The following MTMR9 variants were observed in gnomAD, a reference collection of about 807,000 sequenced individuals.
MTMR9 encodes myotubularin related protein 9, also known as myotubularin-related protein 9.
In MTMR9, 39 loss-of-function variants were observed where a neutral mutation model predicts 69.5. That is an observed-to-expected ratio of 0.56 (90% CI 0.43 to 0.73). The LOEUF is 0.73. MTMR9 is among the 30% of genes least tolerant of loss of function. The probability of loss-of-function intolerance (pLI) is 0.00; values close to 1 mark genes in which losing one functional copy is unlikely to be tolerated. For missense variants in MTMR9, 900 were observed against 671.2 expected, an observed-to-expected ratio of 1.34 and a Z score of -3.77; for synonymous variants, 354 against 240.8, an observed-to-expected ratio of 1.47 and a Z score of -4.35.
the MTMR9 span, among the ~76,000 whole-genome samples, chr8:11,335,736 T>C: frequency 6.6e-6 from 1 of 152,232 alleles, no homozygotes. Context: ...AATTGGCCTG[T>C]AGTAGCATTA....
chr8:11,290,776 C>G (rs975184868), intron 1 of MTMR9, among the ~76,000 whole-genome samples: 4 of 151,608 alleles, frequency 2.6e-5, no homozygotes, highest in African/African-American at 9.7e-5. Context: ...GTTCATTAAT[C>G]TGCTCTTTTG....
In MTMR9 at chr8:11,322,693, A is replaced by G. The variant is rs576428335; in HGVS notation, c.1555A>G (p.Ile519Val). 76 of 1,613,972 alleles carry G rather than the reference A, an allele frequency of 4.7e-5. No individual in the cohort carries two copies. In the Admixed American group the frequency reaches 9.0e-4, roughly 19 times the overall value. The change falls in exon 10 of 10, where the codon ATT (isoleucine) becomes GTT (valine). Residue 519 changes from isoleucine to valine, a missense_variant. Coordinates refer to ENST00000221086, the MANE Select transcript of MTMR9 (RefSeq NM_015458.4). ...DEAYEEMVNIIEYNKELQAKV... is the reference protein window; with the variant it reads ...DEAYEEMVNIVEYNKELQAKV... ...AGCATATGAAGAAATGGTTAACATC[A>G]TTGAATATAATAAAGAATTACAAGC...
chr8:11,296,519 G>A (rs1445645142), intron 2 of MTMR9, among the ~76,000 whole-genome samples: 2 of 152,138 alleles, frequency 1.3e-5, no homozygotes, highest in African/African-American at 2.4e-5. Flanking sequence ...TCGAAACTCT[G>A]TGTTAAACAA....
At chr8:11,333,441 G>C in the MTMR9 span, among the ~76,000 whole-genome samples, 1 of 152,236 alleles carries the variant, frequency 6.6e-6, no homozygotes, top group East Asian at 1.9e-4. Flanking sequence ...ATTAAGACAT[G>C]CCTAGATTTT....
rs1339668673 is a variant in MTMR9, at chr8:11,323,242, T to A, written c.*454T>A. ...TGTTTTTCAAAATGGCAACAATGGA[T>A]AAACCAAGGATTTTGTGTTTAACAA... is the stretch of plus-strand genomic sequence containing the variant. On this transcript the variant is annotated 3_prime_UTR_variant, in exon 10 of 10. Transcript: ENST00000221086. 6.6e-6 allele frequency: 1 copy of A among 152,334 alleles called. No individual in the cohort carries two copies. Among genetic ancestry groups the A allele is most frequent in the East Asian group, 1.9e-4 (1 of 5,200 alleles). 9.4% of individuals were successfully genotyped at this position (152,334 alleles called of 1,614,324 possible). A position where few individuals can be genotyped will look rare whatever the true frequency, so the allele number is the denominator to read the frequency against.
downstream of MTMR9, among the ~76,000 whole-genome samples, chr8:11,328,797 A>C (rs1247268687): frequency 2.0e-5 from 3 of 152,238 alleles, no homozygotes; most frequent in East Asian, 5.8e-4. Context: ...TATTTCAGGA[A>C]AAGTTAACAT....
the MTMR9 span, among the ~76,000 whole-genome samples, chr8:11,338,571 C>T: frequency 6.6e-6 from 1 of 152,328 alleles, no homozygotes; most frequent in Non-Finnish European, 1.5e-5. Context: ...ACCAGGGGAA[C>T]CTTTTCCACA....
downstream of MTMR9, among the ~76,000 whole-genome samples, chr8:11,330,300 C>T (rs2117495103): frequency 6.7e-6 from 1 of 149,224 alleles, no homozygotes. Flanking sequence ...GGTGGGGGGT[C>T]AGCCCCCACC....
At chr8:11,322,447 C>T (rs1167551357) in intron 9 of MTMR9, among the ~76,000 whole-genome samples, 178 bp from the exon 10 acceptor site, 1 of 152,122 alleles carries the variant, frequency 6.6e-6, no homozygotes, top group Admixed American at 6.6e-5. Context: ...TCAATTGCAT[C>T]CTTTTCAGTA....
chr8:11,307,447 G>A (rs781354159), intron 5 of MTMR9, among the ~76,000 whole-genome samples: 5 of 152,214 alleles, frequency 3.3e-5, no homozygotes, highest in Non-Finnish European at 7.4e-5. Flanking sequence ...ATCCATTGAC[G>A]TGCATTTAGG....
rs936334427 is a variant in MTMR9, at chr8:11,284,975, G to T, written c.87G>T (p.Leu29=). The change falls in exon 1 of 10, where the codon CTG becomes CTT. Residue 29 remains leucine (L), a synonymous_variant. Coordinates refer to ENST00000221086, the MANE Select transcript of MTMR9 (RefSeq NM_015458.4). ...RPFYPAVEGT[L]CLTGHHLILS... ...TCTACCCGGCTGTCGAGGGCACCCTGTGCCTGACGGGCCACCACTTGATCC... is the reference window on the plus strand; with the variant it reads ...TCTACCCGGCTGTCGAGGGCACCCTTTGCCTGACGGGCCACCACTTGATCC... The T allele has an allele frequency of 6.2e-6, 10 of 1,613,988 alleles. No homozygotes were observed. Among genetic ancestry groups the T allele is most frequent in the African/African-American group, 1.3e-5 (1 of 75,050 alleles).
chr8:11,308,251 C>T (rs1219278695), intron 5 of MTMR9, among the ~76,000 whole-genome samples: 1 of 152,182 alleles, frequency 6.6e-6, no homozygotes, highest in Non-Finnish European at 1.5e-5. Context: ...GTTTCTTCTG[C>T]ATGTGCATAC....
At chr8:11,304,705 G>C in intron 3 of MTMR9, 136 bp from the exon 4 acceptor site, 1 of 821,344 alleles carries the variant, frequency 1.2e-6, no homozygotes, top group Non-Finnish European at 1.9e-6. Context: ...ATATAAGCTA[G>C]AGATCCACCT....
At chr8:11,331,125 T>C (rs1801202404), downstream of MTMR9, 1 of 1,602,850 alleles carries the variant, frequency 6.2e-7, no homozygotes. Context: ...CAGTCACCCC[T>C]ACTTCAACCT....
chr8:11,313,188 C>G (rs1330467518), intron 6 of MTMR9, among the ~76,000 whole-genome samples: 2 of 152,204 alleles, frequency 1.3e-5, no homozygotes, highest in Non-Finnish European at 2.9e-5. Context: ...ACCTCATGAA[C>G]CAGCCTCTGC....
At position 11,285,959 on chromosome 8, in the gene MTMR9, TTTTTTTTTTTTG is replaced by T. The variant is rs1384455338; in HGVS notation, c.182+890_182+901del. Reference sequence around the variant, plus strand: ...CTCTTTCTTTCTTTCTTTTTTTTTTTTTTTTTTTTTTGGAGACGAAATCTCACTGTATTGCCC... The same window carrying T: ...CTCTTTCTTTCTTTCTTTTTTTTTTTGAGACGAAATCTCACTGTATTGCCC... On this transcript the variant is annotated intron_variant, in intron 1 of 9. Transcript: ENST00000221086. Among the ~76,000 whole-genome samples, 286 of 141,960 alleles carry T rather than the reference TTTTTTTTTTTTG, an allele frequency of 2.0e-3. 1 individual carries two copies. Among genetic ancestry groups the T allele is most frequent in the African/African-American group, 7.2e-3 (272 of 37,628 alleles). The allele number at this position is 141,960 out of a possible 152,430, so 93.1% of individuals were successfully genotyped here.
At chr8:11,332,194 AAAT>A, downstream of MTMR9, 1 of 1,523,956 alleles carries the variant, frequency 6.6e-7, no homozygotes, top group Non-Finnish European at 8.7e-7. Flanking sequence ...GACAAAAAAA[AAAT>A]AAAAGAAAAA....
At chr8:11,313,383 G>A (rs1341486681) in intron 6 of MTMR9, among the ~76,000 whole-genome samples, 1 of 152,194 alleles carries the variant, frequency 6.6e-6, no homozygotes, top group African/African-American at 2.4e-5. Context: ...CTGTGTCACT[G>A]TATCATTTAT....
chr8:11,332,404 C>G (rs1397203899), downstream of MTMR9, among the ~76,000 whole-genome samples: 1 of 151,918 alleles, frequency 6.6e-6, no homozygotes, highest in African/African-American at 2.4e-5. Flanking sequence ...AAAGACTAAA[C>G]AATTGTCTTA....
Sources: gnomAD v4.1 joint callset for allele counts (sites outside exome capture counted in the v4.1 genomes callset) on GRCh38, gnomAD v4.1.1 for gene constraint, MANE v1.5 for transcripts, NCBI Gene and HGNC (gene_info 2026-07-23, HGNC 2026-07-21) for gene names.